The following MOB4 variants were observed in gnomAD, a reference collection of about 807,000 sequenced individuals.
The protein encoded by MOB4 is MOB family member 4, phocein.
MOB4 carries 4 observed loss-of-function variants against 32.2 expected under a neutral mutation model. The observed-to-expected ratio is 0.12, with a 90% CI of 0.06 to 0.28. MOB4 has a LOEUF of 0.28. Ranked by LOEUF, MOB4 falls within the 10% of genes least tolerant of loss-of-function variation. The pLI is 1.00. For missense variants in MOB4, 158 were observed against 271.2 expected, an observed-to-expected ratio of 0.58 and a Z score of 2.93; for synonymous variants, 88 against 88.1, an observed-to-expected ratio of 1.00 and a Z score of 0.01.
At chr2:197,545,876 A>G (rs2086984319) in intron 5 of MOB4, among the ~76,000 whole-genome samples, 1 of 152,164 alleles carries the variant, frequency 6.6e-6, no homozygotes, top group African/African-American at 2.4e-5. Flanking sequence ...TTTTGTGAAT[A>G]TACTAGAAAC....
chr2:197,539,101 T>C (rs1313987632), intron 3 of MOB4, among the ~76,000 whole-genome samples: 1 of 152,112 alleles, frequency 6.6e-6, no homozygotes, highest in Non-Finnish European at 1.5e-5. Context: ...TAGCTTTGCA[T>C]TGTTTTGGGA....
intron 1 of MOB4, among the ~76,000 whole-genome samples, 171 bp from the exon 2 acceptor site, chr2:197,523,453 C>T (rs1001710646): frequency 2.6e-5 from 4 of 152,048 alleles, no homozygotes; most frequent in African/African-American, 9.7e-5. Flanking sequence ...AGAGTGAGAC[C>T]CTGTCTGTAA....
intron 1 of MOB4, among the ~76,000 whole-genome samples, chr2:197,517,314 T>C (rs971472173): frequency 6.6e-6 from 1 of 152,206 alleles, no homozygotes; most frequent in African/African-American, 2.4e-5. Flanking sequence ...AAAGTCTTAT[T>C]TTGGAGTCAC....
At chr2:197,542,206 T>A (rs182627449) in intron 5 of MOB4, among the ~76,000 whole-genome samples, 38 of 152,340 alleles carry the variant, frequency 2.5e-4, no homozygotes, top group Admixed American at 1.8e-3. Flanking sequence ...CTTTCTTGAT[T>A]AATATTAAAT....
At chr2:197,527,309 C>T (rs1177599689) in intron 2 of MOB4, among the ~76,000 whole-genome samples, 1 of 151,922 alleles carries the variant, frequency 6.6e-6, no homozygotes, top group African/African-American at 2.4e-5. Flanking sequence ...TTTAGGTCTT[C>T]TTTAATTACT....
At chr2:197,536,619 T>C (rs1286718827) in intron 3 of MOB4, among the ~76,000 whole-genome samples, 2 of 63,096 alleles carry the variant, frequency 3.2e-5, no homozygotes, top group Non-Finnish European at 6.4e-5. Context: ...TTTTTTTTTT[T>C]GAGACAGAGT....
intron 3 of MOB4, among the ~76,000 whole-genome samples, chr2:197,535,899 C>CTTTTTTTT (rs1319135434): frequency 1.5e-5 from 2 of 129,292 alleles, no homozygotes; most frequent in African/African-American, 2.8e-5. Context: ...CTTTTCTTTT[C>CTTTTTTTT]TTTTTTTTTT....
intron 2 of MOB4, among the ~76,000 whole-genome samples, chr2:197,529,759 T>C (rs1291070310): frequency 1.3e-5 from 2 of 151,620 alleles, no homozygotes; most frequent in African/African-American, 4.8e-5. Flanking sequence ...ATTCAAGCCA[T>C]TCTCCTGCCT....
intron 2 of MOB4, among the ~76,000 whole-genome samples, chr2:197,532,681 A>C (rs1465744016): frequency 6.6e-6 from 1 of 151,866 alleles, no homozygotes; most frequent in Non-Finnish European, 1.5e-5. Flanking sequence ...ACGAAACTCT[A>C]TCTCAAAAAA....
intron 3 of MOB4, among the ~76,000 whole-genome samples, chr2:197,538,359 T>C (rs1399453613): frequency 6.6e-6 from 1 of 152,034 alleles, no homozygotes; most frequent in Non-Finnish European, 1.5e-5. Flanking sequence ...TTTATTGTAT[T>C]GTGTACATTT....
At chr2:197,529,778 C>T (rs1199565211) in intron 2 of MOB4, among the ~76,000 whole-genome samples, 3 of 151,964 alleles carry the variant, frequency 2.0e-5, no homozygotes, top group Non-Finnish European at 2.9e-5. Context: ...CTCAGCCTCC[C>T]GAGTAGCTGG....
chr2:197,530,482 C>G (rs146274651), intron 2 of MOB4, among the ~76,000 whole-genome samples: 3 of 151,422 alleles, frequency 2.0e-5, no homozygotes, highest in South Asian at 2.1e-4. Flanking sequence ...CTAGGCTGGT[C>G]TTGAACTCTT....
chr2:197,543,983 G>A (rs1574651563), intron 5 of MOB4, among the ~76,000 whole-genome samples: 1 of 151,534 alleles, frequency 6.6e-6, no homozygotes, highest in South Asian at 2.1e-4. Context: ...CATGTGATCC[G>A]CCCACCTCAG....
At chr2:197,523,389 A>G (rs2086555872) in intron 1 of MOB4, among the ~76,000 whole-genome samples, 1 of 152,202 alleles carries the variant, frequency 6.6e-6, no homozygotes, top group South Asian at 2.1e-4. Flanking sequence ...TACACCCAGG[A>G]GTTTGAGGCT....
intron 3 of MOB4, among the ~76,000 whole-genome samples, chr2:197,537,442 A>G (rs550948193): frequency 6.6e-6 from 1 of 152,186 alleles, no homozygotes; most frequent in Admixed American, 6.5e-5. Flanking sequence ...AAATTAGACC[A>G]TGTTTCCTGT....
intron 3 of MOB4, among the ~76,000 whole-genome samples, chr2:197,536,955 G>T (rs1447952105): frequency 1.3e-5 from 2 of 151,744 alleles, no homozygotes; most frequent in African/African-American, 4.8e-5. Flanking sequence ...GCCCAAGCTG[G>T]TCCTGAAATC....
chr2:197,544,622 G>A (rs1464249989), intron 5 of MOB4, among the ~76,000 whole-genome samples: 1 of 151,924 alleles, frequency 6.6e-6, no homozygotes, highest in African/African-American at 2.4e-5. Context: ...GCGCTGTGGC[G>A]TGTGCCTGTA....
chr2:197,536,866 G>A (rs1272199074), intron 3 of MOB4, among the ~76,000 whole-genome samples: 1 of 151,898 alleles, frequency 6.6e-6, no homozygotes, highest in Non-Finnish European at 1.5e-5. Context: ...AAAGTGCTGG[G>A]ATTACAGGTG....
chr2:197,516,094 T>C lies in MOB4; in HGVS notation c.8T>C (p.Met3Thr). MV[M>T]AEGTAVLRRN... ...CGCCTAGACGCTGGCACTATGGTCA[T>C]GGCGGAGGGGACGGCAGTGCTGAGG... Residue 3 changes from methionine (M) to threonine (T), a missense_variant, in exon 1 of 8, where the codon ATG becomes ACG. By Grantham distance (81) the Met-to-Thr change is moderately conservative. Around this residue, in one of 6 missense-constraint regions of MOB4, gnomAD observed 41 missense variants for 26.4 expected, o/e 1.55. Coordinates refer to ENST00000323303, the MANE Select transcript of MOB4 (RefSeq NM_015387.5). 1.9e-6 allele frequency: 3 copies of C among 1,599,562 alleles called. No individual in the cohort carries two copies. The highest frequency in any genetic ancestry group is 2.6e-6 in the Non-Finnish European group (3 of 1,174,464).
Sources: allele counts gnomAD v4.1 joint callset (sites outside exome capture counted in the v4.1 genomes callset), GRCh38; gene constraint gnomAD v4.1.1; regional missense constraint gnomAD v4.1.1; transcripts MANE v1.5; gene names NCBI Gene and HGNC (gene_info 2026-07-23, HGNC 2026-07-21).